CEP128: variants seen among roughly 807,000 people sequenced by gnomAD.
CEP128 encodes the protein centrosomal protein 128kDa.
In CEP128, 132 loss-of-function variants were observed where a neutral mutation model predicts 156.7. That is an observed-to-expected ratio of 0.84 (90% CI 0.73 to 0.97). CEP128 has a LOEUF of 0.97. Among genes scored for constraint, CEP128 ranks in the 50% least tolerant of loss-of-function variants. The pLI is 0.00. For synonymous variants in CEP128, 469 were observed against 448.9 expected (o/e 1.04, Z -0.57); for missense variants, 1,252 against 1,281.9 (o/e 0.98, Z 0.36).
intron 23 of CEP128, among the ~76,000 whole-genome samples, chr14:80,520,989 A>ATTTTTTTTTT (rs533538115): frequency 1.7e-4 from 19 of 114,582 alleles, no homozygotes; most frequent in Admixed American, 2.7e-4. Flanking sequence ...CGCCCAGCTA[A>ATTTTTTTTTT]TTTTTTTTTT....
intron 18 of CEP128, 52 bp downstream of exon 18, chr14:80,756,840 G>A: frequency 2.5e-6 from 3 of 1,181,422 alleles, no homozygotes; most frequent in East Asian, 2.4e-5. Flanking sequence ...CAAATAGGAT[G>A]GCTTAAAGAT....
intron 19 of CEP128, among the ~76,000 whole-genome samples, chr14:80,706,708 TTA>T: frequency 6.6e-6 from 1 of 152,146 alleles, no homozygotes; most frequent in East Asian, 1.9e-4. Flanking sequence ...CTTTCAATCA[TTA>T]TGTCCTCAAA....
chr14:80,799,570 C>A (rs1050720541), intron 13 of CEP128, among the ~76,000 whole-genome samples: 3 of 152,228 alleles, frequency 2.0e-5, no homozygotes, highest in Non-Finnish European at 2.9e-5. Context: ...AACGGACATG[C>A]AAGTAGGGAA....
intron 19 of CEP128, among the ~76,000 whole-genome samples, chr14:80,637,424 G>T (rs952656226): frequency 6.6e-6 from 1 of 152,144 alleles, no homozygotes; most frequent in African/African-American, 2.4e-5. Context: ...ATGAGACCTT[G>T]AAAGGAGAAT....
intron 19 of CEP128, among the ~76,000 whole-genome samples, chr14:80,596,433 A>G (rs915897593): frequency 6.6e-6 from 1 of 152,198 alleles, no homozygotes; most frequent in Admixed American, 6.5e-5. Flanking sequence ...ACCTATAAAT[A>G]GAAACTAAAT....
chr14:80,884,285 A>T, intron 8 of CEP128, among the ~76,000 whole-genome samples: 1 of 152,258 alleles, frequency 6.6e-6, no homozygotes, highest in East Asian at 1.9e-4. Flanking sequence ...ATCAAAATGA[A>T]GAGACGACCC....
At chr14:80,705,443 G>C (rs376358251) in intron 19 of CEP128, among the ~76,000 whole-genome samples, 13 of 152,226 alleles carry the variant, frequency 8.5e-5, no homozygotes, top group Admixed American at 5.9e-4. Context: ...GTATAGGTGA[G>C]AGAGAATTAG....
chr14:80,642,648 C>T (rs1566829024), intron 19 of CEP128, among the ~76,000 whole-genome samples: 1 of 152,142 alleles, frequency 6.6e-6, no homozygotes, highest in South Asian at 2.1e-4. Flanking sequence ...ACAGGTGAGA[C>T]TCCATCTCTA....
intron 19 of CEP128, among the ~76,000 whole-genome samples, chr14:80,599,423 C>T (rs35426127): frequency 0.17 from 25,393 of 151,760 alleles, 2,412 homozygotes; most frequent in East Asian, 0.32. Flanking sequence ...CAGGCACCCG[C>T]CACCACGCCC....
intron 19 of CEP128, among the ~76,000 whole-genome samples, chr14:80,667,958 CTGATAA>C (rs1382826878): frequency 6.6e-6 from 1 of 151,508 alleles, no homozygotes; most frequent in Non-Finnish European, 1.5e-5. Flanking sequence ...GCCCAAAGTA[CTGATAA>C]TGATAATGAC....
intron 19 of CEP128, among the ~76,000 whole-genome samples, chr14:80,685,854 T>C (rs1316687540): frequency 2.0e-5 from 3 of 152,014 alleles, no homozygotes; most frequent in Non-Finnish European, 4.4e-5. Flanking sequence ...AAATTATTAA[T>C]AGGGAAGAAC....
At chr14:80,669,854 G>A (rs190677443) in intron 19 of CEP128, among the ~76,000 whole-genome samples, 26 of 152,214 alleles carry the variant, frequency 1.7e-4, no homozygotes, top group Non-Finnish European at 8.8e-5. Flanking sequence ...ACCTGAGACT[G>A]GATATTTCAT....
At chr14:80,593,282 C>T (rs1322091400) in intron 19 of CEP128, among the ~76,000 whole-genome samples, 1 of 152,118 alleles carries the variant, frequency 6.6e-6, no homozygotes, top group South Asian at 2.1e-4. Context: ...TGAGGTGGCT[C>T]ACACCTGTAA....
Position 80,777,933 on chromosome 14 carries a change from G to A in CEP128, c.2325C>T (p.Asn775=), listed in dbSNP as rs771827597. ...ATTGATATTTTAGCTTCAGTTTTTT[G>A]TTCTCATTTTCATTCTGGGTTAATT... The part of the protein sequence containing the change: ...TEELTQNENE[N]KKLKLKYQCL... Residue 775 remains asparagine (N), a synonymous_variant, in exon 16 of 25, where the codon AAC becomes AAT. Coordinates refer to ENST00000555265, the MANE Select transcript of CEP128 (RefSeq NM_152446.5). 1.9e-6 allele frequency: 3 copies of A among 1,611,676 alleles called. No homozygotes were observed. The highest frequency in any genetic ancestry group is 2.5e-6 in the Non-Finnish European group (3 of 1,178,530).
chr14:80,669,803 G>A (rs939459308), intron 19 of CEP128, among the ~76,000 whole-genome samples: 4 of 152,142 alleles, frequency 2.6e-5, no homozygotes, highest in African/African-American at 9.7e-5. Context: ...CCATGAGTAG[G>A]TATCTATCTG....
intron 14 of CEP128, among the ~76,000 whole-genome samples, chr14:80,483,915 G>C (rs182769590): frequency 3.0e-3 from 451 of 152,270 alleles, no homozygotes; most frequent in Admixed American, 5.2e-3. Flanking sequence ...AATACTGATT[G>C]AAAGTTAAGA....
At chr14:80,924,097 C>G (rs1052285408) in intron 2 of CEP128, among the ~76,000 whole-genome samples, 1 of 152,194 alleles carries the variant, frequency 6.6e-6, no homozygotes, top group African/African-American at 2.4e-5. Context: ...TTATAAATTA[C>G]CCAATCTCAT....
intron 21 of CEP128, among the ~76,000 whole-genome samples, chr14:80,532,604 C>G (rs1889279737): frequency 6.6e-6 from 1 of 152,180 alleles, no homozygotes; most frequent in African/African-American, 2.4e-5. Context: ...TACCCATCCA[C>G]CCCTCCTTCC....
At chr14:80,953,111 A>C (rs1485925371) in intron 2 of CEP128, among the ~76,000 whole-genome samples, 3 of 152,254 alleles carry the variant, frequency 2.0e-5, no homozygotes, top group Non-Finnish European at 4.4e-5. Context: ...CTCCTATAGA[A>C]ATTTAAAGAG....
Sources: gnomAD v4.1 joint callset for allele counts (sites outside exome capture counted in the v4.1 genomes callset) on GRCh38, gnomAD v4.1.1 for gene constraint, MANE v1.5 for transcripts, NCBI Gene and HGNC (gene_info 2026-07-23, HGNC 2026-07-21) for gene names.